The following BSN variants were observed in gnomAD, a reference collection of about 807,000 sequenced individuals.
BSN encodes protein bassoon.
A neutral mutation model predicts 264.8 loss-of-function variants in BSN; 57 were observed. The ratio of observed to expected loss-of-function variants is 0.22; its 90% CI spans 0.17 to 0.27. The LOEUF (loss-of-function observed/expected upper bound fraction) is 0.27, where lower values mean the gene tolerates loss of function less well. Ranked by LOEUF, BSN falls within the 10% of genes least tolerant of loss-of-function variation. BSN has a pLI of 1.00. For synonymous variants in BSN, 2,059 were observed against 2,137.3 expected, an observed-to-expected ratio of 0.96 and a Z score of 1.01; for missense variants, 4,615 against 5,232.5, an observed-to-expected ratio of 0.88 and a Z score of 3.64.
chr3:49,561,544 T>A lies in BSN; in HGVS notation c.224+6718T>A, dbSNP rs1002173356. ...ACAAGGGTCACTCCCATTAAAAAAA[T>A]TTTTTTAATTAATTATTTAAATTGA... On this transcript the variant is annotated intron_variant, in intron 1 of 11. Transcript: ENST00000296452. Among the ~76,000 whole-genome samples, 49 of 140,054 alleles carry A rather than the reference T, an allele frequency of 3.5e-4. 2 individuals are homozygous for A. The highest frequency in any genetic ancestry group is 8.3e-4 in the Admixed American group (12 of 14,474). 91.9% of individuals were successfully genotyped at this position (140,054 alleles called of 152,430 possible).
chr3:49,658,267 G>A (rs1258474807), intron 5 of BSN, 71 bp downstream of exon 5: 2 of 1,468,298 alleles, frequency 1.4e-6, no homozygotes, highest in Non-Finnish European at 1.8e-6. Flanking sequence ...CCACAGGGAG[G>A]GGCTTCTTCT....
At chr3:49,663,699 A>C (rs1159496228) in intron 7 of BSN, 33 bp downstream of exon 7, 6 of 1,604,752 alleles carry the variant, frequency 3.7e-6, no homozygotes, top group Non-Finnish European at 3.4e-6. Context: ...GGTTGTAACC[A>C]GGGAAGATGC....
Position 49,622,272 on chromosome 3 carries a change from A to G in BSN, c.225-2703A>G, listed in dbSNP as rs564709550. On this transcript the variant is annotated intron_variant, in intron 1 of 11. Coordinates refer to ENST00000296452, the MANE Select transcript of BSN (RefSeq NM_003458.4). ...GAAGCTTGAAGATCAAGGAGAGGAT[A>G]TAAGGAAGCATCTAGGAAGATGGGA... Among the ~76,000 whole-genome samples, 6 of 152,258 alleles carry G rather than the reference A, an allele frequency of 3.9e-5. No individual in the cohort carries two copies. In the South Asian group the frequency reaches 1.0e-3, roughly 26 times the overall value.
At chr3:49,646,190 A>G (rs537234350) in intron 3 of BSN, among the ~76,000 whole-genome samples, 10 of 152,338 alleles carry the variant, frequency 6.6e-5, no homozygotes, top group Admixed American at 2.6e-4. Context: ...TCTGAAAAAA[A>G]ATAACCATAG....
Position 49,658,020 on chromosome 3 carries a change from G to T in BSN, c.8464G>T (p.Val2822Leu). The change falls in exon 5 of 12, where the codon GTG becomes TTG. Residue 2822 changes from valine (V) to leucine (L), a missense_variant. Physicochemically the swap from Val to Leu is conservative, Grantham distance 32. Transcript: ENST00000296452. ...CAGTGAGAGGCTGAACAAAGCTCACGTGAGTCCCCAGAAGCACTTCACGGC... is the reference window on the plus strand; with the variant it reads ...CAGTGAGAGGCTGAACAAAGCTCACTTGAGTCCCCAGAAGCACTTCACGGC... ...ASSERLNKAH[V>L]SPQKHFTADS... 1 of 1,613,594 alleles carries T rather than the reference G, an allele frequency of 6.2e-7. No individual in the cohort carries two copies. Among genetic ancestry groups the T allele is most frequent in the Non-Finnish European group, 8.5e-7 (1 of 1,179,932 alleles).
At chr3:49,671,940 CAA>C (rs1559622766), downstream of BSN, among the ~76,000 whole-genome samples, 1 of 151,504 alleles carries the variant, frequency 6.6e-6, no homozygotes, top group African/African-American at 2.4e-5. This position sits in a 1 kb window ranked among gnomAD's most constrained non-coding sequence, Gnocchi z 4.1. Context: ...TTCCAACCCC[CAA>C]ACTCTCACCG....
intron 1 of BSN, among the ~76,000 whole-genome samples, chr3:49,619,811 G>A (rs2052289865): frequency 6.6e-6 from 1 of 152,166 alleles, no homozygotes; most frequent in South Asian, 2.1e-4. Flanking sequence ...CACTTGCCGT[G>A]TTTCCTCAGC....
At chr3:49,618,859 C>G (rs569687833) in intron 1 of BSN, among the ~76,000 whole-genome samples, 12 of 152,246 alleles carry the variant, frequency 7.9e-5, no homozygotes, top group African/African-American at 2.9e-4. Context: ...CTACTCTAGA[C>G]CAGAGGCTCT....
chr3:49,606,614 TGA>T (rs2052154662), intron 1 of BSN, among the ~76,000 whole-genome samples: 1 of 152,048 alleles, frequency 6.6e-6, no homozygotes, highest in African/African-American at 2.4e-5. Flanking sequence ...AGTGAGGACC[TGA>T]CATGCAGTAA....
At position 49,661,656 on chromosome 3, in the gene BSN, G is replaced by C. The variant is rs1395360918; in HGVS notation, c.9811G>C (p.Glu3271Gln). The change falls in exon 6 of 12, where the codon GAA (glutamate) becomes CAA (glutamine). Residue 3271 changes from glutamate to glutamine, a missense_variant. Transcript: ENST00000296452. ...TGGGCGTCCAGGGAAGGAGCCTGGA[G>C]AACCAGGTGTCCTTGACGGGCCCAC... ...SSGRPGKEPG[E>Q]PGVLDGPTLP... 6.2e-7 allele frequency: 1 copy of C among 1,613,706 alleles called. No homozygotes were observed. The highest frequency in any genetic ancestry group is 2.2e-5 in the East Asian group (1 of 44,886).
At chr3:49,560,619 T>G (rs1482048695) in intron 1 of BSN, among the ~76,000 whole-genome samples, 1 of 152,230 alleles carries the variant, frequency 6.6e-6, no homozygotes, top group Non-Finnish European at 1.5e-5. Context: ...GGGGGACTCC[T>G]GCTCAGTCCT....
intron 1 of BSN, among the ~76,000 whole-genome samples, chr3:49,574,767 A>G (rs2051829390): frequency 6.6e-6 from 1 of 150,862 alleles, no homozygotes; most frequent in Non-Finnish European, 1.5e-5. Context: ...AGTAGCTGGG[A>G]CTACAGGCGT....
chr3:49,557,642 A>G (rs192825831), intron 1 of BSN, among the ~76,000 whole-genome samples: 183 of 144,042 alleles, frequency 1.3e-3, no homozygotes, highest in African/African-American at 4.7e-3. Flanking sequence ...CAGTGGCACG[A>G]TCTCCGCTCA....
downstream of BSN, among the ~76,000 whole-genome samples, chr3:49,672,626 G>A (rs2052804889): frequency 6.6e-6 from 1 of 151,402 alleles, no homozygotes; most frequent in African/African-American, 2.4e-5. Flanking sequence ...GATTACAGGC[G>A]CGTGCCACCC....
chr3:49,618,259 A>G (rs1446287857), intron 1 of BSN, among the ~76,000 whole-genome samples: 1 of 151,864 alleles, frequency 6.6e-6, no homozygotes, highest in Non-Finnish European at 1.5e-5. Flanking sequence ...CCAAACCCAA[A>G]CTTGTGATTT....
rs890972626 is a variant in BSN at position 49,577,307 on chromosome 3, A to G, written c.224+22481A>G. On this transcript the variant is annotated intron_variant, in intron 1 of 11. Transcript: ENST00000296452. Reference sequence around the variant, plus strand: ...AGTTTGTTCCTGGGTTTTAACTCAAATTCTACCCTACTGGGAACATTTTTT... The same window carrying G: ...AGTTTGTTCCTGGGTTTTAACTCAAGTTCTACCCTACTGGGAACATTTTTT... Among the ~76,000 whole-genome samples, 5 of 152,148 alleles carry G rather than the reference A, an allele frequency of 3.3e-5. No individual in the cohort carries two copies. In the East Asian group the frequency reaches 9.6e-4, roughly 29 times the overall value.
Position 49,652,532 on chromosome 3 carries a change from G to A in BSN, c.2976G>A (p.Ser992=), listed in dbSNP as rs2052552621. 4 of 1,613,448 alleles carry A rather than the reference G, an allele frequency of 2.5e-6. No homozygotes were observed. The highest frequency in any genetic ancestry group is 1.3e-5 in the African/African-American group (1 of 74,880). ...CTGCCTCCACACCCAGCTACACCTC[G>A]GGCACCTCTCCCACCTCTCTGTCCT... ...TLPASTPSYT[S]GTSPTSLSSL... Residue 992 remains serine (S), a synonymous_variant, in exon 5 of 12, where the codon TCG becomes TCA. Transcript: ENST00000296452.
At chr3:49,623,015 A>T (rs1049293782) in intron 1 of BSN, among the ~76,000 whole-genome samples, 8 of 152,116 alleles carry the variant, frequency 5.3e-5, no homozygotes, top group African/African-American at 1.9e-4. Context: ...GAGAGTCTTT[A>T]TTAGACCAAG....
rs745476579 is a variant in BSN, at chr3:49,654,928, G to A, written c.5372G>A (p.Arg1791Gln). Residue 1791 changes from arginine (R) to glutamine (Q), a missense_variant, in exon 5 of 12, where the codon CGG becomes CAG. Arg to Gln is a conservative substitution (Grantham distance 43). This residue lies in a region of BSN where 3,415 missense variants were observed against 3,866.4 expected (regional missense o/e 0.88). Coordinates refer to ENST00000296452, the MANE Select transcript of BSN (RefSeq NM_003458.4). The surrounding 1 kb of genome is among the most constrained non-coding windows in gnomAD (Gnocchi z 4.1). ...ACAGCCCCATACCGAAGTGGGCCCC[G>A]GGGAAGACCCAGGGAGGCCAAGTTT... is the stretch of plus-strand genomic sequence containing the variant. ...VQTAPYRSGP[R>Q]GRPREAKFAR... 5.0e-6 allele frequency: 8 copies of A among 1,611,378 alleles called. No homozygotes were observed. The highest frequency in any genetic ancestry group is 1.7e-5 in the Admixed American group (1 of 59,848).
Sources: allele counts gnomAD v4.1 joint callset (sites outside exome capture counted in the v4.1 genomes callset), GRCh38; gene constraint gnomAD v4.1.1; regional missense constraint gnomAD v4.1.1; non-coding constraint Gnocchi (gnomAD v3.1); transcripts MANE v1.5; gene names NCBI Gene and HGNC (gene_info 2026-07-23, HGNC 2026-07-21).